Variants in CEL observed in about 807,000 individuals in gnomAD.
CEL encodes the protein carboxyl ester lipase, also known as bile salt-activated lipase.
In CEL, 39 loss-of-function variants were observed where a neutral mutation model predicts 57.1. That is an observed-to-expected ratio of 0.68 (90% CI 0.53 to 0.89). The LOEUF (loss-of-function observed/expected upper bound fraction) is 0.89, where lower values mean the gene tolerates loss of function less well. Among genes scored for constraint, CEL ranks in the 40% least tolerant of loss-of-function variants. The probability of loss-of-function intolerance (pLI) is 0.00; values close to 1 mark genes in which losing one functional copy is unlikely to be tolerated. For missense variants in CEL, 698 were observed against 915.0 expected, an observed-to-expected ratio of 0.76 and a Z score of 3.06; for synonymous variants, 314 against 396.6, an observed-to-expected ratio of 0.79 and a Z score of 2.48.
Position 133,071,796 on chromosome 9 carries a change from A to C in CEL, c.*32A>C. 6.3e-7 allele frequency: 1 copy of C among 1,599,346 alleles called. No individual in the cohort carries two copies. The highest frequency in any genetic ancestry group is 8.6e-7 in the Non-Finnish European group (1 of 1,168,256). ...ATGAGCCTTGGTATCAAGAGGCCAC[A>C]AGAGTGGGACCCCAGGGGCTCCCCT... On this transcript the variant is annotated 3_prime_UTR_variant, in exon 11 of 11. Transcript: ENST00000372080.
chr9:133,065,339 C>T, intron 4 of CEL, 102 bp downstream of exon 4: 1 of 1,327,362 alleles, frequency 7.5e-7, no homozygotes, highest in Non-Finnish European at 1.1e-6. Context: ...AGTGGCGGTT[C>T]ACAGAAAGAC....
intron 9 of CEL, 63 bp from the exon 10 acceptor site, chr9:133,070,398 G>A (rs1271217924): frequency 3.0e-5 from 42 of 1,422,654 alleles, no homozygotes; most frequent in Non-Finnish European, 3.7e-5. Context: ...CTCCAAGTCC[G>A]GTCTCTGGGC....
At position 133,070,656 on chromosome 9, in the gene CEL, AG is replaced by A; in HGVS notation, c.1484+1del. The A allele has an allele frequency of 6.2e-7, 1 of 1,614,178 alleles. No homozygotes were observed. Among genetic ancestry groups the A allele is most frequent in the South Asian group, 1.1e-5 (1 of 91,086 alleles). ...CCTACTGGACCAACTTTGCCAAAAC[AG>A]GGTAAGACGTGGGTTGAGTGCAGGG... ...IAYWTNFAKT[G>X]DPNMGDSAVP... On this transcript the variant is annotated frameshift_variant and splice_region_variant, in exon 10 of 11. Coordinates refer to ENST00000372080, the MANE Select transcript of CEL (RefSeq NM_001807.6). LOFTEE classifies it high-confidence loss of function.
rs1263699829 is a variant in CEL, at chr9:133,066,087, G to A, written c.539-443G>A. ...GGCTCAGAGAGAAACCAGGAGAGCA[G>A]AGCTGAGTGAGAGACAGAGAACAAT... On this transcript the variant is annotated intron_variant, in intron 4 of 10. Coordinates refer to ENST00000372080, the MANE Select transcript of CEL (RefSeq NM_001807.6). This position sits in a 1 kb window ranked among gnomAD's most constrained non-coding sequence, Gnocchi z 4.3. 6.6e-6 allele frequency among the ~76,000 whole-genome samples: 1 copy of A among 152,184 alleles called. No individual in the cohort carries two copies. Among genetic ancestry groups the A allele is most frequent in the African/African-American group, 2.4e-5 (1 of 41,438 alleles).
chr9:133,064,366 C>T (rs1830139317), intron 1 of CEL, 38 bp from the exon 2 acceptor site: 1 of 1,611,624 alleles, frequency 6.2e-7, no homozygotes, highest in Non-Finnish European at 8.5e-7. Flanking sequence ...GCCGATGGGG[C>T]TTGAGCCCCC....
In CEL at chr9:133,064,605, G is replaced by A. The variant is rs765945288; in HGVS notation, c.218-35G>A. The A allele has an allele frequency of 3.1e-6, 5 of 1,613,772 alleles. No individual in the cohort carries two copies. In the Admixed American group the frequency reaches 8.3e-5, roughly 27 times the overall value. ...CCCTGCGGCGGGGCGGGTGAGGGCG[G>A]CTGCCTTCCTCATGCCAACTCCTGC... On this transcript the variant is annotated intron_variant, in intron 2 of 10. Coordinates refer to ENST00000372080, the MANE Select transcript of CEL (RefSeq NM_001807.6).
Position 133,066,615 on chromosome 9 carries a change from C to T in CEL, c.624C>T (p.Ile208=), listed in dbSNP as rs1288478214. ...CCTTCGGGGGGGACCCCAACAACAT[C>T]ACGCTCTTCGGGGAGTCTGCTGGAG... ...IAAFGGDPNN[I]TLFGESAGGA... Residue 208 remains isoleucine (I), a synonymous_variant, in exon 5 of 11, where the codon ATC becomes ATT. Coordinates refer to ENST00000372080, the MANE Select transcript of CEL (RefSeq NM_001807.6). The surrounding 1 kb of genome is among the most constrained non-coding windows in gnomAD (Gnocchi z 4.3). The T allele has an allele frequency of 6.2e-7, 1 of 1,613,730 alleles. No individual in the cohort carries two copies. The highest frequency in any genetic ancestry group is 8.5e-7 in the Non-Finnish European group (1 of 1,180,024).
At position 133,071,764 on chromosome 9, in the gene CEL, G is replaced by T. The variant is rs190510168; in HGVS notation, c.2262G>T (p.Ter754TyrextTer26). Residue 754 changes from the stop codon to tyrosine, a stop_lost, in exon 11 of 11, where the codon TAG (stop) becomes TAT (tyrosine). Transcript: ENST00000372080. ...AGATGCCTGCAGTCATTAGGTTTTAGCGTCCCATGAGCCTTGGTATCAAGA... is the reference window on the plus strand; with the variant it reads ...AGATGCCTGCAGTCATTAGGTTTTATCGTCCCATGAGCCTTGGTATCAAGA... The part of the protein sequence containing the change: ...EAQMPAVIRF[*>Y] The T allele has an allele frequency of 3.7e-6, 6 of 1,612,048 alleles. No homozygotes were observed. The African/African-American group carries it at 4.0e-5, about 11-fold the overall frequency.
rs1250595069 is a variant in CEL at position 133,070,174 on chromosome 9, C to G, written c.1287-287C>G. 1.1e-4 allele frequency among the ~76,000 whole-genome samples: 16 copies of G among 147,598 alleles called. No individual in the cohort carries two copies. The East Asian group carries it at 3.1e-3, about 29-fold the overall frequency. ...TTGTCCAATCTAATTGAAGAATGCACATTCACTTGGAGAGCAAAATATTTC... is the reference window on the plus strand; with the variant it reads ...TTGTCCAATCTAATTGAAGAATGCAGATTCACTTGGAGAGCAAAATATTTC... On this transcript the variant is annotated intron_variant, in intron 9 of 10. Transcript: ENST00000372080.
Position 133,071,838 on chromosome 9 carries a change from C to T in CEL, c.*74C>T, listed in dbSNP as rs1227970566. 5.8e-6 allele frequency: 8 copies of T among 1,371,928 alleles called. No individual in the cohort carries two copies. The highest frequency in any genetic ancestry group is 7.2e-6 in the Non-Finnish European group (7 of 969,690). 85.0% of individuals were successfully genotyped at this position (1,371,928 alleles called of 1,614,324 possible). On this transcript the variant is annotated 3_prime_UTR_variant, in exon 11 of 11. Coordinates refer to ENST00000372080, the MANE Select transcript of CEL (RefSeq NM_001807.6). ...GGCTCCCCTCCCATCTTGAGCTCTT[C>T]CTGAATAAAGCCTCATACCCCTGTC...
chr9:133,071,175 C>A lies in CEL; in HGVS notation c.1673C>A (p.Thr558Asn). The A allele has an allele frequency of 6.2e-7, 1 of 1,606,360 alleles. No homozygotes were observed. The highest frequency in any genetic ancestry group is 8.5e-7 in the Non-Finnish European group (1 of 1,178,828). ...CCCACAGTGACCGACCAGGAGGCCACCCCTGTGCCCCCCACAGGGGACTCC... is the reference window on the plus strand; with the variant it reads ...CCCACAGTGACCGACCAGGAGGCCAACCCTGTGCCCCCCACAGGGGACTCC... The part of the protein sequence containing the change: ...ALPTVTDQEA[T>N]PVPPTGDSEA... The change falls in exon 11 of 11, where the codon ACC becomes AAC. Residue 558 changes from threonine to asparagine, a missense_variant. Physicochemically the swap from Thr to Asn is moderately conservative, Grantham distance 65 (BLOSUM62 0). Around this residue, in one of 6 missense-constraint regions of CEL, gnomAD observed 238 missense variants for 213.7 expected, o/e 1.11. Coordinates refer to ENST00000372080, the MANE Select transcript of CEL (RefSeq NM_001807.6).
Position 133,066,424 on chromosome 9 carries a change from C to A in CEL, c.539-106C>A. On this transcript the variant is annotated intron_variant, in intron 4 of 10. Transcript: ENST00000372080. This position sits in a 1 kb window ranked among gnomAD's most constrained non-coding sequence, Gnocchi z 4.3. Reference sequence around the variant, plus strand: ...TGCCAACTGGGGCTCTGCCATGGCCCCAACTCTGTTGAGGGCATTTCCACC... The same window carrying A: ...TGCCAACTGGGGCTCTGCCATGGCCACAACTCTGTTGAGGGCATTTCCACC... 6.8e-7 allele frequency: 1 copy of A among 1,466,962 alleles called. No homozygotes were observed. 90.9% of individuals were successfully genotyped at this position (1,466,962 alleles called of 1,614,324 possible). A position where few individuals can be genotyped will look rare whatever the true frequency, so the allele number is the denominator to read the frequency against.
chr9:133,064,750 G>A lies in CEL; in HGVS notation c.328G>A (p.Gly110Ser). Residue 110 changes from glycine (G) to serine (S), a missense_variant, in exon 3 of 11, where the codon GGC becomes AGC. Physicochemically the swap from Gly to Ser is moderately conservative, Grantham distance 56. This residue lies in a region of CEL where 327 missense variants were observed against 374.1 expected (regional missense o/e 0.87). Transcript: ENST00000372080. The part of the protein sequence containing the change: ...CLYLNIWVPQ[G>S]RKQVSRDLPV... ...GTACCTCAACATTTGGGTGCCCCAG[G>A]GCAGGAAGCAAGGTCTGCCTCCCCT... is the stretch of plus-strand genomic sequence containing the variant. 6.2e-7 allele frequency: 1 copy of A among 1,614,028 alleles called. No homozygotes were observed. Among genetic ancestry groups the A allele is most frequent in the Non-Finnish European group, 8.5e-7 (1 of 1,180,016 alleles).
Position 133,066,617 on chromosome 9 carries a change from C to T in CEL, c.626C>T (p.Thr209Met), listed in dbSNP as rs747153235. 3.1e-5 allele frequency: 50 copies of T among 1,613,722 alleles called. No individual in the cohort carries two copies. Among genetic ancestry groups the T allele is most frequent in the Non-Finnish European group, 2.2e-5 (26 of 1,180,026 alleles). ...TTCGGGGGGGACCCCAACAACATCA[C>T]GCTCTTCGGGGAGTCTGCTGGAGGT... is the stretch of plus-strand genomic sequence containing the variant. ...AAFGGDPNNI[T>M]LFGESAGGAS... The change falls in exon 5 of 11, where the codon ACG becomes ATG. Residue 209 changes from threonine to methionine, a missense_variant. Physicochemically the swap from Thr to Met is moderately conservative, Grantham distance 81. Coordinates refer to ENST00000372080, the MANE Select transcript of CEL (RefSeq NM_001807.6). This position sits in a 1 kb window ranked among gnomAD's most constrained non-coding sequence, Gnocchi z 4.3.
At chr9:133,065,505 A>G (rs1830163872) in intron 4 of CEL, among the ~76,000 whole-genome samples, 1 of 152,122 alleles carries the variant, frequency 6.6e-6, no homozygotes. Flanking sequence ...GAAGTTCAAG[A>G]CCAGCCTGAA....
Position 133,066,931 on chromosome 9 carries a change from T to C in CEL, c.763T>C (p.Phe255Leu). The C allele has an allele frequency of 6.2e-7, 1 of 1,613,308 alleles. No homozygotes were observed. Among genetic ancestry groups the C allele is most frequent in the Non-Finnish European group, 8.5e-7 (1 of 1,179,678 alleles). ...CTGGGTCATCCAGAAAAACCCACTCTTCTGGGCCAAAAAGGTAAACGGAGG... is the reference window on the plus strand; with the variant it reads ...CTGGGTCATCCAGAAAAACCCACTCCTCTGGGCCAAAAAGGTAAACGGAGG... Reference protein sequence around the residue: ...SPWVIQKNPLFWAKKVAEKVG... With the variant: ...SPWVIQKNPLLWAKKVAEKVG... Residue 255 changes from phenylalanine (F) to leucine (L), a missense_variant, in exon 6 of 11, where the codon TTC becomes CTC. Around this residue, in one of 6 missense-constraint regions of CEL, gnomAD observed 327 missense variants for 374.1 expected, o/e 0.87. Coordinates refer to ENST00000372080, the MANE Select transcript of CEL (RefSeq NM_001807.6). The surrounding 1 kb of genome is among the most constrained non-coding windows in gnomAD (Gnocchi z 4.3).
intron 9 of CEL, among the ~76,000 whole-genome samples, chr9:133,069,999 TAAAA>T (rs1564212909): frequency 6.6e-6 from 1 of 151,736 alleles, no homozygotes; most frequent in African/African-American, 2.4e-5. Flanking sequence ...ATAATAAAAA[TAAAA>T]AATAAGTTAG....
intron 1 of CEL, among the ~76,000 whole-genome samples, chr9:133,063,929 C>T (rs888939903): frequency 6.6e-6 from 1 of 152,148 alleles, no homozygotes; most frequent in African/African-American, 2.4e-5. Flanking sequence ...GGCCCCACCC[C>T]TCAGAAAGGA....
At chr9:133,064,872 A>G in intron 3 of CEL, 110 bp downstream of exon 3, 1 of 1,574,042 alleles carries the variant, frequency 6.4e-7, no homozygotes, top group South Asian at 1.1e-5. Flanking sequence ...GAAATCCCAC[A>G]GAGGCGGGGA....
Sources: gnomAD v4.1 joint callset for allele counts (sites outside exome capture counted in the v4.1 genomes callset) on GRCh38, gnomAD v4.1.1 for gene constraint, gnomAD v4.1.1 regional missense constraint, Gnocchi (gnomAD v3.1) non-coding constraint, MANE v1.5 for transcripts, NCBI Gene and HGNC (gene_info 2026-07-23, HGNC 2026-07-21) for gene names.